FBXL5: variants seen among roughly 807,000 people sequenced by gnomAD.
FBXL5 encodes the protein F-box/LRR-repeat protein 5.
Under a neutral mutation model 78.3 loss-of-function variants are expected in FBXL5, and 26 were observed. That is an observed-to-expected ratio of 0.33 (90% CI 0.24 to 0.46). FBXL5 has a LOEUF of 0.46. Among genes scored for constraint, FBXL5 ranks in the 20% least tolerant of loss-of-function variants. FBXL5 has a pLI of 1.00. For missense variants in FBXL5, 710 were observed against 829.2 expected (o/e 0.86, Z 1.77); for synonymous variants, 295 against 282.5 (o/e 1.04, Z -0.45).
At chr4:15,606,890 C>G (rs1222213985) in intron 10 of FBXL5, among the ~76,000 whole-genome samples, 2 of 152,146 alleles carry the variant, frequency 1.3e-5, no homozygotes, top group Admixed American at 6.5e-5. Flanking sequence ...TAAAACAGCA[C>G]TCGGCTGCAA....
At chr4:15,635,836 T>C (rs1714197062) in intron 5 of FBXL5, among the ~76,000 whole-genome samples, 1 of 151,826 alleles carries the variant, frequency 6.6e-6, no homozygotes, top group Non-Finnish European at 1.5e-5. Context: ...GCTATATTAG[T>C]TGTATTTAAC....
At chr4:15,633,417 T>C (rs916119978) in intron 5 of FBXL5, among the ~76,000 whole-genome samples, 4 of 152,082 alleles carry the variant, frequency 2.6e-5, no homozygotes, top group Non-Finnish European at 4.4e-5. Context: ...AGCTAATAAC[T>C]AAAAGGAAGC....
chr4:15,675,826 G>A (rs544926992), intron 1 of FBXL5, among the ~76,000 whole-genome samples: 13 of 151,966 alleles, frequency 8.6e-5, no homozygotes, highest in African/African-American at 2.4e-4. Context: ...CAGATGATCC[G>A]CCTGCCTCGG....
At chr4:15,678,524 T>C (rs1718076465) in intron 1 of FBXL5, among the ~76,000 whole-genome samples, 1 of 152,234 alleles carries the variant, frequency 6.6e-6, no homozygotes, top group Non-Finnish European at 1.5e-5. Flanking sequence ...CTTTCATGCA[T>C]AGGTATACTA....
intron 6 of FBXL5, 90 bp from the exon 7 acceptor site, chr4:15,628,123 C>A: frequency 8.0e-7 from 1 of 1,257,428 alleles, no homozygotes; most frequent in Non-Finnish European, 1.1e-6. Context: ...ATATGACATA[C>A]TTTGTGCTAT....
intron 1 of FBXL5, among the ~76,000 whole-genome samples, chr4:15,669,479 T>G (rs1717673473): frequency 6.6e-6 from 1 of 152,166 alleles, no homozygotes; most frequent in Admixed American, 6.5e-5. Flanking sequence ...ATAATATAAT[T>G]TTTTTAAACG....
intron 8 of FBXL5, 24 bp downstream of exon 8, chr4:15,626,849 T>C (rs369462624): frequency 4.6e-4 from 690 of 1,514,850 alleles, no homozygotes; most frequent in Non-Finnish European, 6.0e-4. Flanking sequence ...TTTCATTATA[T>C]TTAAATTGTT....
chr4:15,611,350 T>C (rs1456465036), intron 10 of FBXL5, among the ~76,000 whole-genome samples: 3 of 152,100 alleles, frequency 2.0e-5, no homozygotes, highest in Admixed American at 1.3e-4. Flanking sequence ...TCAATTGTTC[T>C]GCCTGAGAAA....
At position 15,625,814 on chromosome 4, in the gene FBXL5, C is replaced by T. The variant is rs912681844; in HGVS notation, c.1288G>A (p.Ala430Thr). Reference protein sequence around the residue: ...KTSTSKITSTAWKNKDITMQS... With the variant: ...KTSTSKITSTTWKNKDITMQS... Reference sequence around the variant, plus strand: ...ATGGTAATGTCTTTATTTTTCCACGCAGTTGAAGTAATTTTGCTTGTAGAT... The same window carrying T: ...ATGGTAATGTCTTTATTTTTCCACGTAGTTGAAGTAATTTTGCTTGTAGAT... Residue 430 changes from alanine to threonine, a missense_variant, in exon 9 of 11, where the codon GCG becomes ACG. This residue lies in a region of FBXL5 where 517 missense variants were observed against 542.9 expected (regional missense o/e 0.95). Transcript: ENST00000341285. The T allele has an allele frequency of 6.2e-7, 1 of 1,614,066 alleles. No individual in the cohort carries two copies. The highest frequency in any genetic ancestry group is 2.2e-5 in the East Asian group (1 of 44,878).
chr4:15,674,971 T>C (rs1260051766), intron 1 of FBXL5, among the ~76,000 whole-genome samples: 1 of 152,158 alleles, frequency 6.6e-6, no homozygotes, highest in Non-Finnish European at 1.5e-5. Context: ...TAATGATAAA[T>C]TAATTTGTCA....
intron 1 of FBXL5, among the ~76,000 whole-genome samples, chr4:15,668,596 TGAA>T (rs561285806): frequency 8.4e-4 from 128 of 152,276 alleles, no homozygotes; most frequent in Non-Finnish European, 1.4e-3. Flanking sequence ...AAGATTATAA[TGAA>T]GATAATTTAA....
intron 1 of FBXL5, among the ~76,000 whole-genome samples, chr4:15,654,295 G>A (rs577040964): frequency 6.6e-6 from 1 of 152,314 alleles, no homozygotes; most frequent in South Asian, 2.1e-4. Flanking sequence ...CCTGAGGTTT[G>A]CAGATATCCA....
chr4:15,618,816 C>G (rs187011198), intron 9 of FBXL5, among the ~76,000 whole-genome samples: 1 of 152,130 alleles, frequency 6.6e-6, no homozygotes, highest in Non-Finnish European at 1.5e-5. Flanking sequence ...GCACTCTGGA[C>G]GACAGAGCAA....
chr4:15,617,237 T>C (rs1459799735), intron 9 of FBXL5, among the ~76,000 whole-genome samples: 7 of 152,076 alleles, frequency 4.6e-5, no homozygotes, highest in Non-Finnish European at 1.0e-4. Context: ...AGTCATAGAA[T>C]GGATAAAGAA....
Position 15,625,952 on chromosome 4 carries a change from T to C in FBXL5, c.1150A>G (p.Ser384Gly). ...CCAGACAGATCAAGATGCCGAAGAC[T>C]CTGGCAGCAACCAAGCCAAGACCAA... ...DSWSWLGCCQ[S>G]LRHLDLSGCE... Residue 384 changes from serine (S) to glycine (G), a missense_variant, in exon 9 of 11, where the codon AGT becomes GGT. Around this residue, in one of 4 missense-constraint regions of FBXL5, gnomAD observed 517 missense variants for 542.9 expected, o/e 0.95. Transcript: ENST00000341285. 1 of 1,591,320 alleles carries C rather than the reference T, an allele frequency of 6.3e-7. No homozygotes were observed. Among genetic ancestry groups the C allele is most frequent in the Non-Finnish European group, 8.5e-7 (1 of 1,172,198 alleles).
chr4:15,681,544 C>G (rs765321159), exon 1 of FBXL5: 1 of 155,404 alleles, frequency 6.4e-6, no homozygotes, highest in African/African-American at 2.4e-5. Context: ...CAGAGTTCTC[C>G]GCGGTGTCTC....
chr4:15,625,141 C>T (rs1712898733), intron 9 of FBXL5, 111 bp downstream of exon 9: 1 of 1,261,168 alleles, frequency 7.9e-7, no homozygotes. Flanking sequence ...CTTGGTTAAT[C>T]CTTTTTGCTA....
At chr4:15,672,121 A>ACT (rs1240428382) in intron 1 of FBXL5, among the ~76,000 whole-genome samples, 1 of 152,194 alleles carries the variant, frequency 6.6e-6, no homozygotes. Context: ...CTACTTAGAA[A>ACT]TAGTTTGATG....
At chr4:15,640,268 G>T (rs558877267) in intron 3 of FBXL5, among the ~76,000 whole-genome samples, 3 of 151,166 alleles carry the variant, frequency 2.0e-5, no homozygotes, top group Non-Finnish European at 4.4e-5. Context: ...TCTTGAACTC[G>T]TGAGTTCAAG....
Sources: allele counts gnomAD v4.1 joint callset (sites outside exome capture counted in the v4.1 genomes callset), GRCh38; gene constraint gnomAD v4.1.1; regional missense constraint gnomAD v4.1.1; transcripts MANE v1.5; gene names NCBI Gene and HGNC (gene_info 2026-07-23, HGNC 2026-07-21).